The following SIPA1L3 variants were observed in gnomAD, a reference collection of about 807,000 sequenced individuals.
SIPA1L3 encodes the protein signal-induced proliferation-associated 1-like protein 3.
SIPA1L3 carries 59 observed loss-of-function variants against 150.1 expected under a neutral mutation model. The observed-to-expected ratio is 0.39, with a 90% CI of 0.32 to 0.49. The LOEUF (loss-of-function observed/expected upper bound fraction) is 0.49, where lower values mean the gene tolerates loss of function less well. SIPA1L3 is among the 20% of genes least tolerant of loss of function. The pLI is 0.86. For missense variants in SIPA1L3, 2,211 were observed against 2,489.5 expected (o/e 0.89, Z 2.38); for synonymous variants, 1,070 against 1,077.6 (o/e 0.99, Z 0.14).
intron 1 of SIPA1L3, among the ~76,000 whole-genome samples, chr19:38,026,599 A>G (rs1968515735): frequency 6.6e-6 from 1 of 152,156 alleles, no homozygotes; most frequent in African/African-American, 2.4e-5. Context: ...ACCCCTTCCC[A>G]TACTAACTTC....
At chr19:37,993,346 T>A (rs1029866817) in intron 1 of SIPA1L3, among the ~76,000 whole-genome samples, 5 of 152,196 alleles carry the variant, frequency 3.3e-5, no homozygotes, top group East Asian at 3.9e-4. Context: ...TATTATTATT[T>A]TTGAGATGGA....
chr19:37,975,508 G>C (rs1279609306), intron 1 of SIPA1L3, among the ~76,000 whole-genome samples: 1 of 152,160 alleles, frequency 6.6e-6, no homozygotes, highest in African/African-American at 2.4e-5. Flanking sequence ...GTCCCCATCT[G>C]TAAGATGGGA....
chr19:38,180,065 C>T (rs1972523426), intron 15 of SIPA1L3, among the ~76,000 whole-genome samples: 1 of 152,162 alleles, frequency 6.6e-6, no homozygotes, highest in South Asian at 2.1e-4. Flanking sequence ...GCGAGCTCTC[C>T]TGACAGGCGA....
Position 38,208,134 on chromosome 19 carries a change from G to A in SIPA1L3, c.*1894G>A, listed in dbSNP as rs1412332260. On this transcript the variant is annotated 3_prime_UTR_variant, in exon 22 of 22. Transcript: ENST00000222345. ...GGACAAGTGTAAATTATGATTTTTG[G>A]TTTTGTTTTCTGTTATTTTTTAAGG... 1 of 151,218 alleles carries A rather than the reference G, an allele frequency of 6.6e-6. No homozygotes were observed. Among genetic ancestry groups the A allele is most frequent in the Non-Finnish European group, 1.5e-5 (1 of 67,788 alleles). 9.4% of individuals were successfully genotyped at this position (151,218 alleles called of 1,614,324 possible). A position where few individuals can be genotyped will look rare whatever the true frequency, so the allele number is the denominator to read the frequency against.
chr19:38,189,861 G>C (rs1972766850), intron 16 of SIPA1L3, among the ~76,000 whole-genome samples: 2 of 152,170 alleles, frequency 1.3e-5, no homozygotes, highest in Non-Finnish European at 2.9e-5. Context: ...CTGTGTGTGA[G>C]TTTTCTAAAA....
intron 10 of SIPA1L3, among the ~76,000 whole-genome samples, chr19:38,137,815 GC>G (rs1971468442): frequency 6.6e-6 from 1 of 151,936 alleles, no homozygotes; most frequent in Admixed American, 6.6e-5. Flanking sequence ...GGGACTCTTA[GC>G]CCAAGATGAA....
At chr19:37,913,022 G>A (rs555418233) in intron 1 of SIPA1L3, among the ~76,000 whole-genome samples, 1 of 152,322 alleles carries the variant, frequency 6.6e-6, no homozygotes, top group East Asian at 1.9e-4. Context: ...TCATATTTGC[G>A]AGAAGTGTGC....
intron 7 of SIPA1L3, chr19:38,108,435 A>C (rs984760034): frequency 1.3e-5 from 2 of 152,222 alleles, no homozygotes; most frequent in Admixed American, 1.3e-4. Context: ...ATTCATTGAG[A>C]TGATGAATTG....
intron 8 of SIPA1L3, among the ~76,000 whole-genome samples, chr19:38,118,341 C>G (rs958528601): frequency 2.0e-5 from 3 of 151,580 alleles, no homozygotes; most frequent in African/African-American, 7.3e-5. Context: ...AGGAGAATCG[C>G]CTGAACCCAG....
chr19:37,914,817 AAAT>A (rs1197980213), intron 1 of SIPA1L3, among the ~76,000 whole-genome samples: 5 of 152,086 alleles, frequency 3.3e-5, no homozygotes, highest in South Asian at 2.1e-4. Flanking sequence ...CTTTTTTATA[AAAT>A]AATAATAATG....
intron 1 of SIPA1L3, among the ~76,000 whole-genome samples, chr19:37,923,310 A>C (rs561211865): frequency 3.3e-5 from 5 of 152,294 alleles, no homozygotes; most frequent in African/African-American, 1.2e-4. Context: ...CATGGAGTGT[A>C]CTTGCTGCGA....
At chr19:38,100,717 T>C (rs1970481715) in intron 5 of SIPA1L3, among the ~76,000 whole-genome samples, 1 of 152,218 alleles carries the variant, frequency 6.6e-6, no homozygotes, top group Admixed American at 6.5e-5. Context: ...TTTTGCAGAA[T>C]CTCAGCCCAT....
chr19:38,121,809 A>G (rs555859474), intron 9 of SIPA1L3, among the ~76,000 whole-genome samples: 1 of 152,190 alleles, frequency 6.6e-6, no homozygotes, highest in African/African-American at 2.4e-5. Flanking sequence ...GGCCTCAACT[A>G]TTCAGGAGGC....
intron 13 of SIPA1L3, among the ~76,000 whole-genome samples, chr19:38,160,793 C>T (rs1028820071): frequency 2.0e-5 from 3 of 152,170 alleles, no homozygotes; most frequent in East Asian, 1.9e-4. Context: ...CACAATCCCA[C>T]GCTTGCTCAA....
chr19:38,043,374 A>AAAAGAGAG (rs1415502604), intron 2 of SIPA1L3, among the ~76,000 whole-genome samples: 1 of 152,176 alleles, frequency 6.6e-6, no homozygotes. Flanking sequence ...AAGAAAGAGA[A>AAAAGAGAG]AGAAAGAAAT....
chr19:38,138,593 G>GCTCTGACCTTA (rs374059533), intron 10 of SIPA1L3, among the ~76,000 whole-genome samples: 1 of 151,154 alleles, frequency 6.6e-6, no homozygotes, highest in Admixed American at 6.6e-5. Context: ...CCCTCCCACA[G>GCTCTGACCTTA]GGGGTTTTCG....
chr19:38,157,271 G>C (rs1422085916), intron 13 of SIPA1L3, among the ~76,000 whole-genome samples: 2 of 152,216 alleles, frequency 1.3e-5, no homozygotes, highest in African/African-American at 2.4e-5. Context: ...CCTAATAACA[G>C]CTGTACAGTT....
intron 1 of SIPA1L3, among the ~76,000 whole-genome samples, chr19:37,931,456 A>G (rs1377526989): frequency 6.6e-6 from 1 of 152,080 alleles, no homozygotes; most frequent in African/African-American, 2.4e-5. Flanking sequence ...GATCTAAAGT[A>G]GTGGTTAAGG....
intron 1 of SIPA1L3, among the ~76,000 whole-genome samples, chr19:38,022,663 G>T (rs899785482): frequency 6.6e-6 from 1 of 152,070 alleles, no homozygotes; most frequent in African/African-American, 2.4e-5. Context: ...AGCCGAGATG[G>T]TGCCACTGCA....
Sources: allele counts gnomAD v4.1 joint callset (sites outside exome capture counted in the v4.1 genomes callset), GRCh38; gene constraint gnomAD v4.1.1; transcripts MANE v1.5; gene names NCBI Gene and HGNC (gene_info 2026-07-23, HGNC 2026-07-21).